The following RANBP2 variants were observed in gnomAD, a reference collection of about 807,000 sequenced individuals.
RANBP2 encodes RAN binding protein 2.
RANBP2 carries 57 observed loss-of-function variants against 303.6 expected under a neutral mutation model. The ratio of observed to expected loss-of-function variants is 0.19; its 90% CI spans 0.15 to 0.23. The LOEUF (loss-of-function observed/expected upper bound fraction) is 0.23. Among genes scored for constraint, RANBP2 ranks in the 10% least tolerant of loss-of-function variants. The pLI is 1.00. For synonymous variants in RANBP2, 1,167 were observed against 1,301.5 expected (o/e 0.90, Z 2.23); for missense variants, 3,138 against 3,780.8 (o/e 0.83, Z 4.46).
At chr2:108,793,026 T>C in the RANBP2 span, among the ~76,000 whole-genome samples, 1 of 150,790 alleles carries the variant, frequency 6.6e-6, no homozygotes, top group Non-Finnish European at 1.5e-5. Context: ...ACTGTGCCAC[T>C]GCACTCCAGT....
At chr2:108,777,597 GTTTTC>G (rs1416178473) in intron 25 of RANBP2, among the ~76,000 whole-genome samples, 1 of 151,986 alleles carries the variant, frequency 6.6e-6, no homozygotes, top group Non-Finnish European at 1.5e-5. Context: ...TGATTTTGTA[GTTTTC>G]TTTTTTGTAC....
the RANBP2 span, among the ~76,000 whole-genome samples, chr2:109,387,013 A>G: frequency 6.6e-6 from 1 of 152,232 alleles, no homozygotes; most frequent in Admixed American, 6.5e-5. Flanking sequence ...TCAAAATAAG[A>G]AAATTCAGAA....
At chr2:109,614,216 T>C in the RANBP2 span, 5 of 981,318 alleles carry the variant, frequency 5.1e-6, no homozygotes, top group Non-Finnish European at 6.4e-6. Context: ...GGGCGGGCCT[T>C]GAGGCGAGGC....
At chr2:109,448,432 T>C in the RANBP2 span, among the ~76,000 whole-genome samples, 1 of 152,154 alleles carries the variant, frequency 6.6e-6, no homozygotes, top group Non-Finnish European at 1.5e-5. Flanking sequence ...GAAAACTTCA[T>C]CTGTATTTAC....
chr2:108,987,736 T>C, the RANBP2 span, among the ~76,000 whole-genome samples: 1 of 152,140 alleles, frequency 6.6e-6, no homozygotes, highest in Non-Finnish European at 1.5e-5. Context: ...GCCACCAGGA[T>C]CGCCAAACTT....
At chr2:109,582,460 T>C in the RANBP2 span, among the ~76,000 whole-genome samples, 2 of 152,056 alleles carry the variant, frequency 1.3e-5, no homozygotes, top group African/African-American at 4.8e-5. Context: ...GCTGGCAGTA[T>C]AGGTGCCCAC....
intron 17 of RANBP2, among the ~76,000 whole-genome samples, chr2:108,757,162 C>T (rs1485337699): frequency 6.6e-6 from 1 of 152,086 alleles, no homozygotes; most frequent in Non-Finnish European, 1.5e-5. Context: ...TCAAAATTTA[C>T]CTGTTTTCTG....
chr2:109,362,067 T>C, the RANBP2 span, among the ~76,000 whole-genome samples: 4 of 152,252 alleles, frequency 2.6e-5, no homozygotes, highest in Admixed American at 2.6e-4. Flanking sequence ...GTTTTCAATT[T>C]CATTGATTTC....
the RANBP2 span, among the ~76,000 whole-genome samples, chr2:109,315,715 C>T: frequency 0.31 from 47,490 of 152,128 alleles, 9,198 homozygotes; most frequent in African/African-American, 0.55. Context: ...CCCAGGGTTC[C>T]TCTGGGGCTC....
chr2:109,630,801 C>T, the RANBP2 span, among the ~76,000 whole-genome samples: 3 of 152,166 alleles, frequency 2.0e-5, no homozygotes, highest in African/African-American at 7.2e-5. Context: ...CGCGGTGGCT[C>T]ATGCCTGTAA....
Position 108,719,510 on chromosome 2 carries a change from G to GC in RANBP2, c.-96dup. Reference sequence around the variant, plus strand: ...GTGGTCCTCCGCCGGCTACGGCGCTGCGTCACTGGTTTGCAGGCGCTTTCC... The same window carrying GC: ...GTGGTCCTCCGCCGGCTACGGCGCTGCCGTCACTGGTTTGCAGGCGCTTTCC... On this transcript the variant is annotated 5_prime_UTR_variant, in exon 1 of 29. Transcript: ENST00000283195. The GC allele has an allele frequency of 1.3e-6, 2 of 1,534,632 alleles. No homozygotes were observed. The highest frequency in any genetic ancestry group is 1.4e-5 in the African/African-American group (1 of 72,882).
the RANBP2 span, among the ~76,000 whole-genome samples, chr2:108,937,595 T>C: frequency 4.7e-5 from 7 of 148,718 alleles, 1 homozygote; most frequent in African/African-American, 1.7e-4. Context: ...TGTATTTGTA[T>C]ATGAGTGTGT....
At chr2:109,354,889 C>A in the RANBP2 span, among the ~76,000 whole-genome samples, 1 of 152,364 alleles carries the variant, frequency 6.6e-6, no homozygotes, top group South Asian at 2.1e-4. Context: ...ACCATGTCAC[C>A]TGAATCCTTT....
At chr2:109,238,449 TTGTGTGTGTGTGTGTGTG>T in the RANBP2 span, among the ~76,000 whole-genome samples, 1,907 of 142,702 alleles carry the variant, frequency 0.013, 45 homozygotes, top group African/African-American at 0.039. Flanking sequence ...TTATGTATAT[TTGTGTGTGTGTGTGTGTG>T]TGTGTGTGTG....
At chr2:109,012,685 C>T in the RANBP2 span, among the ~76,000 whole-genome samples, 3 of 152,160 alleles carry the variant, frequency 2.0e-5, no homozygotes, top group East Asian at 1.9e-4. Flanking sequence ...GAGGCCGAGG[C>T]GGGTGGATCA....
the RANBP2 span, among the ~76,000 whole-genome samples, chr2:109,080,907 T>G: frequency 6.6e-6 from 1 of 152,186 alleles, no homozygotes; most frequent in African/African-American, 2.4e-5. Context: ...GGATATTGGA[T>G]AGTTCACAAA....
chr2:109,321,284 G>A, the RANBP2 span, among the ~76,000 whole-genome samples: 91,244 of 152,060 alleles, frequency 0.6, 29,170 homozygotes, highest in East Asian at 0.86. Flanking sequence ...TTCCTTTATT[G>A]TCTTGCCACT....
chr2:109,614,800 AG>A, the RANBP2 span: 1 of 1,470,474 alleles, frequency 6.8e-7, no homozygotes, highest in Non-Finnish European at 9.0e-7. Context: ...GCCGAGCCCG[AG>A]GCCCCCGACG....
chr2:109,767,280 C>T, the RANBP2 span, among the ~76,000 whole-genome samples: 1 of 149,462 alleles, frequency 6.7e-6, no homozygotes, highest in African/African-American at 2.5e-5. Context: ...TCCCTGGCAA[C>T]AGGACCCTGG....
Sources: gnomAD v4.1 joint callset for allele counts (sites outside exome capture counted in the v4.1 genomes callset) on GRCh38, gnomAD v4.1.1 for gene constraint, MANE v1.5 for transcripts, NCBI Gene and HGNC (gene_info 2026-07-23, HGNC 2026-07-21) for gene names.